Variants in RAB8B observed in about 807,000 individuals in gnomAD.
The protein encoded by RAB8B is RAB8B, member RAS oncogene family, also known as ras-related protein Rab-8B.
Under a neutral mutation model 32.0 loss-of-function variants are expected in RAB8B, and 11 were observed. The ratio of observed to expected loss-of-function variants is 0.34; its 90% CI spans 0.22 to 0.57. RAB8B has a LOEUF of 0.57. Ranked by LOEUF, RAB8B falls within the 20% of genes least tolerant of loss-of-function variation. The pLI is 0.86. For missense variants in RAB8B, 190 were observed against 258.5 expected, an observed-to-expected ratio of 0.73 and a Z score of 1.82; for synonymous variants, 103 against 89.6, an observed-to-expected ratio of 1.15 and a Z score of -0.85.
intron 1 of RAB8B, among the ~76,000 whole-genome samples, chr15:63,216,076 T>C (rs1408957686): frequency 6.6e-6 from 1 of 151,536 alleles, no homozygotes; most frequent in East Asian, 1.9e-4. Flanking sequence ...TATTCAAGAG[T>C]CCATAATTAG....
intron 1 of RAB8B, among the ~76,000 whole-genome samples, chr15:63,222,635 G>A (rs569963493): frequency 2.6e-5 from 4 of 152,010 alleles, no homozygotes; most frequent in Non-Finnish European, 4.4e-5. Flanking sequence ...CTTCCTGGGC[G>A]CAAGCAATTC....
intron 7 of RAB8B, 35 bp downstream of exon 7, chr15:63,262,777 C>T: frequency 8.7e-7 from 1 of 1,153,366 alleles, no homozygotes; most frequent in Non-Finnish European, 1.2e-6. Flanking sequence ...TTCCATTATG[C>T]TGTCTGTTTG....
Position 63,265,193 on chromosome 15 carries a change from A to G in RAB8B, c.*1574A>G, listed in dbSNP as rs1478703899. 6.6e-6 allele frequency: 1 copy of G among 152,312 alleles called. No individual in the cohort carries two copies. Among genetic ancestry groups the G allele is most frequent in the Non-Finnish European group, 1.5e-5 (1 of 68,016 alleles). 9.4% of individuals were successfully genotyped at this position (152,312 alleles called of 1,614,324 possible). On this transcript the variant is annotated 3_prime_UTR_variant, in exon 8 of 8. Coordinates refer to ENST00000321437, the MANE Select transcript of RAB8B (RefSeq NM_016530.3). The surrounding 1 kb of genome is among the most constrained non-coding windows in gnomAD (Gnocchi z 4.9). ...AGATAAGAACAGGAGATGGCAGTGG[A>G]AAGGGATTGCTTGTTACCACAGAGA...
rs114408686 is a variant in RAB8B at position 63,229,179 on chromosome 15, C to A, written c.125-15577C>A. Among the ~76,000 whole-genome samples the A allele has an allele frequency of 2.7e-3, 406 of 152,310 alleles. 3 individuals carry two copies. Among genetic ancestry groups the A allele is most frequent in the African/African-American group, 8.1e-3 (335 of 41,566 alleles). On this transcript the variant is annotated intron_variant, in intron 1 of 7. Transcript: ENST00000321437. ...ACAAAGCCTTCAGTGGCTACCCCAG[C>A]ATTGGGAAATAAGGGGTGGGGGAGA...
At position 63,189,744 on chromosome 15, in the gene RAB8B, C is replaced by T. The variant is rs777762714; in HGVS notation, c.120C>T (p.Thr40=). The change falls in exon 1 of 8, where the codon ACC becomes ACT. Residue 40 remains threonine, a synonymous_variant. Coordinates refer to ENST00000321437, the MANE Select transcript of RAB8B (RefSeq NM_016530.3). ...CCTTCAACACCACCTTCATCTCCAC[C>T]ATCGGTGAGGGAGGGGCCGCGGCCC... ...EDAFNTTFIS[T]IGIDFKIRTI... 1 of 1,610,406 alleles carries T rather than the reference C, an allele frequency of 6.2e-7. No homozygotes were observed. Among genetic ancestry groups the T allele is most frequent in the East Asian group, 2.3e-5 (1 of 44,434 alleles).
At chr15:63,216,859 C>CAAA (rs36022071) in intron 1 of RAB8B, among the ~76,000 whole-genome samples, 1 of 59,370 alleles carries the variant, frequency 1.7e-5, no homozygotes, top group Non-Finnish European at 3.6e-5. Context: ...GACTCTGTCT[C>CAAA]AAAAAAAAAA....
At position 63,243,438 on chromosome 15, in the gene RAB8B, A is replaced by T. The variant is rs534305304; in HGVS notation, c.125-1318A>T. Reference sequence around the variant, plus strand: ...TCAGAAAGCTTATTCCTGATATATGATAGAGCTTGCTGATATTTGTCAAGG... The same window carrying T: ...TCAGAAAGCTTATTCCTGATATATGTTAGAGCTTGCTGATATTTGTCAAGG... On this transcript the variant is annotated intron_variant, in intron 1 of 7. Transcript: ENST00000321437. Among the ~76,000 whole-genome samples, 7 of 152,306 alleles carry T rather than the reference A, an allele frequency of 4.6e-5. No homozygotes were observed. In the East Asian group the frequency reaches 9.6e-4, roughly 21 times the overall value.
At chr15:63,216,440 G>A (rs1277580896) in intron 1 of RAB8B, among the ~76,000 whole-genome samples, 3 of 151,618 alleles carry the variant, frequency 2.0e-5, no homozygotes, top group African/African-American at 7.3e-5. Flanking sequence ...TGTTGTCCAG[G>A]TTGGTCTTGA....
chr15:63,237,073 A>G (rs780902394), intron 1 of RAB8B, among the ~76,000 whole-genome samples: 1 of 152,248 alleles, frequency 6.6e-6, no homozygotes, highest in Non-Finnish European at 1.5e-5. Flanking sequence ...TGCAAATGAC[A>G]GGATCTCATT....
chr15:63,250,911 T>A (rs962200772), intron 3 of RAB8B, among the ~76,000 whole-genome samples: 7 of 151,616 alleles, frequency 4.6e-5, no homozygotes, highest in African/African-American at 1.7e-4. Context: ...GGTGCTAGGA[T>A]GACAGAGCTG....
intron 1 of RAB8B, among the ~76,000 whole-genome samples, chr15:63,221,723 C>G (rs926857611): frequency 3.3e-5 from 5 of 152,164 alleles, no homozygotes; most frequent in African/African-American, 1.2e-4. Flanking sequence ...GGTTGGGGGT[C>G]TGTACATGTG....
intron 6 of RAB8B, among the ~76,000 whole-genome samples, chr15:63,261,899 C>T (rs1252922210): frequency 6.6e-6 from 1 of 152,134 alleles, no homozygotes; most frequent in African/African-American, 2.4e-5. Context: ...TGGTTTGTAT[C>T]AAGAGACATT....
chr15:63,249,471 C>T (rs1355825562), intron 2 of RAB8B, among the ~76,000 whole-genome samples, 174 bp from the exon 3 acceptor site: 2 of 152,032 alleles, frequency 1.3e-5, no homozygotes, highest in Non-Finnish European at 2.9e-5. Flanking sequence ...CTCCTGTGGC[C>T]ACCACCACCT....
At position 63,259,590 on chromosome 15, in the gene RAB8B, CTT is replaced by C. The variant is rs2038186869; in HGVS notation, c.415-34_415-33del. On this transcript the variant is annotated intron_variant, in intron 5 of 7. Transcript: ENST00000321437. The surrounding 1 kb of genome is among the most constrained non-coding windows in gnomAD (Gnocchi z 4.4). ...ACAAATGCATTATGTGTTCAAGTATCTTTTGCTAAATTTAAATATTTCTGTTT... is the reference window on the plus strand; with the variant it reads ...ACAAATGCATTATGTGTTCAAGTATCTTGCTAAATTTAAATATTTCTGTTT... 3.2e-6 allele frequency: 5 copies of C among 1,562,412 alleles called. No homozygotes were observed. The highest frequency in any genetic ancestry group is 4.4e-6 in the Non-Finnish European group (5 of 1,133,836).
intron 1 of RAB8B, among the ~76,000 whole-genome samples, chr15:63,203,364 C>T (rs2037668722): frequency 1.3e-5 from 2 of 152,290 alleles, no homozygotes; most frequent in African/African-American, 4.8e-5. Context: ...AAGCCTTGGG[C>T]AAATTATTCA....
At chr15:63,226,000 C>G (rs2037886309) in intron 1 of RAB8B, among the ~76,000 whole-genome samples, 1 of 152,064 alleles carries the variant, frequency 6.6e-6, no homozygotes, top group African/African-American at 2.4e-5. Context: ...GCCACCATGC[C>G]TGGCTCATTT....
At chr15:63,249,185 A>G (rs2038094837) in intron 2 of RAB8B, among the ~76,000 whole-genome samples, 1 of 152,210 alleles carries the variant, frequency 6.6e-6, no homozygotes, top group South Asian at 2.1e-4. Flanking sequence ...ACTGAGCAGA[A>G]TGTACACAGT....
intron 3 of RAB8B, chr15:63,251,173 A>G: frequency 2.4e-6 from 1 of 422,740 alleles, no homozygotes; most frequent in Non-Finnish European, 4.7e-6. Flanking sequence ...CATCATTTTA[A>G]TAAAAATAGC....
At chr15:63,254,781 G>A (rs1384313074) in intron 3 of RAB8B, among the ~76,000 whole-genome samples, 2 of 151,968 alleles carry the variant, frequency 1.3e-5, no homozygotes, top group Non-Finnish European at 2.9e-5. Flanking sequence ...GTGTGGTGGC[G>A]GGCGCCTGTA....
Sources: gnomAD v4.1 joint callset for allele counts (sites outside exome capture counted in the v4.1 genomes callset) on GRCh38, gnomAD v4.1.1 for gene constraint, Gnocchi (gnomAD v3.1) non-coding constraint, MANE v1.5 for transcripts, NCBI Gene and HGNC (gene_info 2026-07-23, HGNC 2026-07-21) for gene names.